FAF1: variants seen among roughly 807,000 people sequenced by gnomAD.
The protein encoded by FAF1 is Fas associated factor 1.
In FAF1, 25 loss-of-function variants were observed where a neutral mutation model predicts 92.5. That is an observed-to-expected ratio of 0.27 (90% confidence interval 0.20 to 0.38). FAF1 has a LOEUF of 0.38. Ranked by LOEUF, FAF1 falls within the 10% of genes least tolerant of loss-of-function variation. FAF1 has a pLI of 1.00. For synonymous variants in FAF1, 234 were observed against 273.2 expected, an observed-to-expected ratio of 0.86 and a Z score of 1.42; for missense variants, 636 against 793.3, an observed-to-expected ratio of 0.80 and a Z score of 2.38.
chr1:50,604,865 T>C (rs988920002), intron 8 of FAF1, among the ~76,000 whole-genome samples: 1 of 152,270 alleles, frequency 6.6e-6, no homozygotes, highest in East Asian at 1.9e-4. Context: ...AATTGTAAAA[T>C]ACTAACAAAT....
At chr1:50,735,264 T>C (rs892826476) in intron 6 of FAF1, among the ~76,000 whole-genome samples, 2 of 152,224 alleles carry the variant, frequency 1.3e-5, no homozygotes, top group African/African-American at 2.4e-5. Context: ...ATAGAATTTA[T>C]AGTTGTATCA....
At chr1:50,618,414 GTTTT>G (rs540421778) in intron 8 of FAF1, among the ~76,000 whole-genome samples, 2 of 111,900 alleles carry the variant, frequency 1.8e-5, no homozygotes, top group African/African-American at 3.4e-5. Flanking sequence ...AGTTTTTAGA[GTTTT>G]TTTTTTTTTT....
At chr1:50,723,902 C>A (rs548821865) in intron 6 of FAF1, among the ~76,000 whole-genome samples, 120 of 152,236 alleles carry the variant, frequency 7.9e-4, no homozygotes, top group African/African-American at 2.8e-3. Context: ...GCACCTGCCA[C>A]CACACCTGGC....
At chr1:50,835,415 C>G (rs913219348) in intron 2 of FAF1, among the ~76,000 whole-genome samples, 1 of 151,884 alleles carries the variant, frequency 6.6e-6, no homozygotes, top group Non-Finnish European at 1.5e-5. Flanking sequence ...AAATTCAAAT[C>G]CCCTAGTCAC....
At chr1:50,541,966 A>T (rs1339899333) in intron 13 of FAF1, among the ~76,000 whole-genome samples, 2 of 152,198 alleles carry the variant, frequency 1.3e-5, no homozygotes, top group Non-Finnish European at 2.9e-5. Context: ...CCACTATACA[A>T]AGCATGTTTG....
intron 4 of FAF1, among the ~76,000 whole-genome samples, chr1:50,748,995 G>A (rs947212748): frequency 6.6e-6 from 1 of 152,132 alleles, no homozygotes; most frequent in African/African-American, 2.4e-5. Context: ...TGAGCACTTT[G>A]GATAGTGATT....
intron 4 of FAF1, among the ~76,000 whole-genome samples, chr1:50,769,509 C>T (rs1482590055): frequency 6.6e-6 from 1 of 152,138 alleles, no homozygotes; most frequent in African/African-American, 2.4e-5. Flanking sequence ...AGCTTCAGGC[C>T]AGTATCAATG....
At chr1:50,905,577 G>A (rs948812294) in intron 1 of FAF1, among the ~76,000 whole-genome samples, 4 of 151,710 alleles carry the variant, frequency 2.6e-5, no homozygotes, top group African/African-American at 9.7e-5. Context: ...GATCACCATT[G>A]TAACTGTGAG....
intron 7 of FAF1, among the ~76,000 whole-genome samples, chr1:50,695,709 G>A (rs937418825): frequency 6.6e-6 from 1 of 152,058 alleles, no homozygotes; most frequent in South Asian, 2.1e-4. Flanking sequence ...GTGCAGTGGC[G>A]CGATCTCGGC....
At chr1:50,668,681 T>TG (rs1449945316) in intron 7 of FAF1, among the ~76,000 whole-genome samples, 1 of 152,184 alleles carries the variant, frequency 6.6e-6, no homozygotes, top group Non-Finnish European at 1.5e-5. Context: ...ATGCTGCCAA[T>TG]GCTCAAAAGC....
chr1:50,519,128 G>A (rs1647353809), intron 15 of FAF1, among the ~76,000 whole-genome samples: 1 of 152,014 alleles, frequency 6.6e-6, no homozygotes, highest in Non-Finnish European at 1.5e-5. Flanking sequence ...TCAGGTGTTT[G>A]AGACCAGCCT....
In FAF1 at chr1:50,942,986, A is replaced by T. The variant is rs1203350778; in HGVS notation, c.45+16781T>A. On this transcript the variant is annotated intron_variant, in intron 1 of 18. Coordinates refer to ENST00000396153, the MANE Select transcript of FAF1 (RefSeq NM_007051.3). The stretch of plus-strand genomic sequence containing the variant: ...CCAGCCCTCTGGGGAAACACTATCT[A>T]GTCTGGTAGCAATATAACATCCTTG... 2.6e-5 allele frequency among the ~76,000 whole-genome samples: 4 copies of T among 152,310 alleles called. No homozygotes were observed. The South Asian group carries it at 8.3e-4, about 32-fold the overall frequency.
intron 6 of FAF1, among the ~76,000 whole-genome samples, chr1:50,716,510 T>C (rs952924787): frequency 5.3e-5 from 8 of 152,224 alleles, no homozygotes; most frequent in African/African-American, 1.9e-4. Context: ...AGCTAGAGGA[T>C]TGTAAAATGC....
chr1:50,565,598 C>A (rs766604228), intron 13 of FAF1, among the ~76,000 whole-genome samples: 2 of 152,054 alleles, frequency 1.3e-5, no homozygotes. Context: ...ACTTAACAGA[C>A]TTCTTTAGTA....
Position 50,631,136 on chromosome 1 carries a change from C to T in FAF1, c.744+24306G>A, listed in dbSNP as rs1342540383. On this transcript the variant is annotated intron_variant, in intron 8 of 18. Coordinates refer to ENST00000396153, the MANE Select transcript of FAF1 (RefSeq NM_007051.3). ...TTCCTCTGCCACACTGCAGTTATCT[C>T]TACTGTCTAAACGCATTTTTTTCCT... Among the ~76,000 whole-genome samples, 4 of 152,092 alleles carry T rather than the reference C, an allele frequency of 2.6e-5. No homozygotes were observed. The East Asian group carries it at 7.7e-4, about 29-fold the overall frequency.
intron 1 of FAF1, 47 bp from the exon 2 acceptor site, chr1:50,858,044 G>T: frequency 7.3e-7 from 1 of 1,372,476 alleles, no homozygotes. Context: ...TTAGAAATAG[G>T]GAGGTAAATC....
chr1:50,927,337 T>C lies in FAF1; in HGVS notation c.45+32430A>G, dbSNP rs368461482. On this transcript the variant is annotated intron_variant, in intron 1 of 18. Coordinates refer to ENST00000396153, the MANE Select transcript of FAF1 (RefSeq NM_007051.3). Reference sequence around the variant, plus strand: ...GGCTCACACCTGTAATCCCAGCACTTTGGGAGGCCGAGGCGGGTGGGTCAC... The same window carrying C: ...GGCTCACACCTGTAATCCCAGCACTCTGGGAGGCCGAGGCGGGTGGGTCAC... 1.1e-4 allele frequency among the ~76,000 whole-genome samples: 17 copies of C among 152,258 alleles called. 1 individual carries two copies. Among genetic ancestry groups the C allele is most frequent in the African/African-American group, 4.1e-4 (17 of 41,538 alleles).
chr1:50,935,307 A>C (rs1324252873), intron 1 of FAF1, among the ~76,000 whole-genome samples: 1 of 152,210 alleles, frequency 6.6e-6, no homozygotes, highest in Non-Finnish European at 1.5e-5. Context: ...AATCACCATG[A>C]ATTCATTATG....
At chr1:50,811,143 T>TGA (rs1643904984) in intron 2 of FAF1, among the ~76,000 whole-genome samples, 1 of 152,066 alleles carries the variant, frequency 6.6e-6, no homozygotes, top group Admixed American at 6.6e-5. Flanking sequence ...AAGACCAGTG[T>TGA]GAGCAACATG....
Sources: gnomAD v4.1 joint callset for allele counts (sites outside exome capture counted in the v4.1 genomes callset) on GRCh38, gnomAD v4.1.1 for gene constraint, MANE v1.5 for transcripts, NCBI Gene and HGNC (gene_info 2026-07-23, HGNC 2026-07-21) for gene names.